The following FRMPD3 variants were observed in gnomAD, a reference collection of about 807,000 sequenced individuals.
The protein encoded by FRMPD3 is FERM and PDZ domain containing 3, also known as FERM and PDZ domain-containing protein 3.
A neutral mutation model predicts 97.9 loss-of-function variants in FRMPD3; 42 were observed. The ratio of observed to expected loss-of-function variants is 0.43; its 90% CI spans 0.34 to 0.55. The LOEUF is 0.55. Ranked by LOEUF, FRMPD3 falls within the 20% of genes least tolerant of loss-of-function variation. The probability of loss-of-function intolerance (pLI) is 0.03; values close to 1 mark genes in which losing one functional copy is unlikely to be tolerated. For missense variants in FRMPD3, 1,303 were observed against 1,457.7 expected, an observed-to-expected ratio of 0.89 and a Z score of 1.73; for synonymous variants, 577 against 581.1, an observed-to-expected ratio of 0.99 and a Z score of 0.10.
At chrX:107,467,385 C>G (rs1931591179) in intron 1 of FRMPD3, among the ~76,000 whole-genome samples, 1 of 111,376 alleles carries the variant, frequency 9.0e-6, no homozygotes, top group Non-Finnish European at 1.9e-5. Flanking sequence ...TGACCACGTT[C>G]ACAGTCCATA....
intron 4 of FRMPD3, among the ~76,000 whole-genome samples, chrX:107,536,230 C>A (rs891890865): frequency 9.0e-6 from 1 of 110,527 alleles, no homozygotes; most frequent in African/African-American, 3.3e-5. Context: ...GTAGGGCACA[C>A]CTGTAGTCCC....
intron 3 of FRMPD3, among the ~76,000 whole-genome samples, chrX:107,530,821 G>A (rs1242648030): frequency 2.7e-5 from 3 of 109,774 alleles, no homozygotes; most frequent in African/African-American, 3.3e-5. Context: ...TTTTTCCAGC[G>A]GGACAGACCA....
chrX:107,511,210 C>T (rs1467339734), intron 1 of FRMPD3, among the ~76,000 whole-genome samples: 1 of 111,859 alleles, frequency 8.9e-6, no homozygotes, highest in African/African-American at 3.2e-5. Flanking sequence ...GTCAGCTATG[C>T]TTCTTGCTTC....
chrX:107,603,036 T>G lies in FRMPD3; in HGVS notation c.4997T>G (p.Leu1666Arg). ...GCCATCACGGGCAGCTTCCAGGTGC[T>G]GAGCAGCCTCATTGAGACCTTCGTG... ...LAAITGSFQV[L>R]SSLIETFVRL... The change falls in exon 15 of 15, where the codon CTG (leucine) becomes CGG (arginine). Residue 1666 changes from leucine to arginine, a missense_variant. This residue lies in a region of FRMPD3 where 764 missense variants were observed against 820.2 expected (regional missense o/e 0.93). Coordinates refer to ENST00000683843, the MANE Select transcript of FRMPD3 (RefSeq NM_001388459.1). 1 of 1,211,286 alleles carries G rather than the reference T, an allele frequency of 8.3e-7. No homozygotes were observed. Among genetic ancestry groups the G allele is most frequent in the Non-Finnish European group, 1.1e-6 (1 of 895,524 alleles).
At chrX:107,455,773 T>C (rs891237934) in intron 1 of FRMPD3, among the ~76,000 whole-genome samples, 1 of 111,760 alleles carries the variant, frequency 8.9e-6, no homozygotes, top group Non-Finnish European at 1.9e-5. Context: ...GAGCACCAAT[T>C]ATGTACAAGG....
chrX:107,570,545 A>C (rs774768540), intron 12 of FRMPD3, among the ~76,000 whole-genome samples: 2 of 111,329 alleles, frequency 1.8e-5, no homozygotes, highest in African/African-American at 6.6e-5. Context: ...AGGGGTATAC[A>C]GGTCTTTACC....
At chrX:107,546,748 C>CT (rs1270708215) in intron 5 of FRMPD3, among the ~76,000 whole-genome samples, 5 of 112,260 alleles carry the variant, frequency 4.5e-5, no homozygotes, top group Non-Finnish European at 7.5e-5. Context: ...CACTTGTGTG[C>CT]TTTTGATAGC....
chrX:107,568,566 C>T (rs1415182024), intron 12 of FRMPD3, among the ~76,000 whole-genome samples: 1 of 52,833 alleles, frequency 1.9e-5, no homozygotes, highest in Non-Finnish European at 3.8e-5. Flanking sequence ...ACTAAAAATG[C>T]AAAAAAAAAA....
intron 8 of FRMPD3, among the ~76,000 whole-genome samples, chrX:107,559,819 C>A (rs952679169): frequency 2.7e-5 from 3 of 111,136 alleles, no homozygotes; most frequent in African/African-American, 9.8e-5. Flanking sequence ...GCTTCTGGGC[C>A]AGGGCCCTGT....
chrX:107,489,608 T>C (rs1921602475), intron 1 of FRMPD3, among the ~76,000 whole-genome samples: 2 of 112,631 alleles, frequency 1.8e-5, no homozygotes, highest in East Asian at 2.8e-4. Context: ...ATTTTTTTCA[T>C]GTGTTTTTTG....
At chrX:107,573,605 GA>G (rs1305727744) in intron 12 of FRMPD3, among the ~76,000 whole-genome samples, 1 of 110,877 alleles carries the variant, frequency 9.0e-6, no homozygotes, top group South Asian at 3.8e-4. Context: ...TTTCTCACTG[GA>G]AAAAAAAGCC....
In FRMPD3 at chrX:107,576,408, G is replaced by C; in HGVS notation, c.1390G>C (p.Val464Leu). 1 of 1,210,682 alleles carries C rather than the reference G, an allele frequency of 8.3e-7. No individual in the cohort carries two copies. Among genetic ancestry groups the C allele is most frequent in the East Asian group, 3.0e-5 (1 of 33,847 alleles). The change falls in exon 13 of 15, where the codon GTC becomes CTC. Residue 464 changes from valine to leucine, a missense_variant. This residue lies in a region of FRMPD3 where 535 missense variants were observed against 618.6 expected (regional missense o/e 0.86). Transcript: ENST00000683843. ...CCTCTTGCTGGATTCCAGGAAGATG[G>C]TCTTCTCCAGGCCTGCCAGCCAGCC... ...CRLLLDSRKM[V>L]FSRPASQPLP...
intron 5 of FRMPD3, among the ~76,000 whole-genome samples, chrX:107,546,889 G>C (rs920124279): frequency 9.0e-6 from 1 of 111,528 alleles, no homozygotes; most frequent in Admixed American, 9.5e-5. Context: ...ATTATTTAAG[G>C]CAGAATTAGT....
intron 13 of FRMPD3, among the ~76,000 whole-genome samples, chrX:107,589,311 G>T (rs1282883318): frequency 9.0e-6 from 1 of 111,164 alleles, no homozygotes; most frequent in African/African-American, 3.3e-5. Flanking sequence ...TGCTGTTGTT[G>T]CTTTCTGTTT....
chrX:107,580,151 A>C (rs1173852711), intron 13 of FRMPD3, among the ~76,000 whole-genome samples: 1 of 112,172 alleles, frequency 8.9e-6, no homozygotes, highest in Non-Finnish European at 1.9e-5. Flanking sequence ...ATATTTTCAA[A>C]CATAACTCCA....
intron 1 of FRMPD3, among the ~76,000 whole-genome samples, chrX:107,506,868 T>C (rs1338096141): frequency 1.8e-5 from 2 of 112,015 alleles, no homozygotes; most frequent in African/African-American, 6.5e-5. Flanking sequence ...GGCAGGTTTC[T>C]AAGGTGTCTT....
At chrX:107,490,625 T>G (rs1199552402) in intron 1 of FRMPD3, among the ~76,000 whole-genome samples, 1 of 111,936 alleles carries the variant, frequency 8.9e-6, no homozygotes, top group Non-Finnish European at 1.9e-5. Context: ...CACTCATGAT[T>G]TGGCTCTCTG....
At chrX:107,557,175 G>T (rs746561005) in intron 8 of FRMPD3, among the ~76,000 whole-genome samples, 1 of 111,093 alleles carries the variant, frequency 9.0e-6, no homozygotes, top group South Asian at 3.8e-4. Flanking sequence ...CTGATAGTGC[G>T]TAGTGGCATC....
intron 1 of FRMPD3, among the ~76,000 whole-genome samples, chrX:107,464,789 C>G (rs1931530777): frequency 8.9e-6 from 1 of 111,786 alleles, no homozygotes; most frequent in Non-Finnish European, 1.9e-5. Context: ...TGGTGTCCAC[C>G]CTGCTCAGTT....
Sources: gnomAD v4.1 joint callset for allele counts (sites outside exome capture counted in the v4.1 genomes callset) on GRCh38, gnomAD v4.1.1 for gene constraint, gnomAD v4.1.1 regional missense constraint, MANE v1.5 for transcripts, NCBI Gene and HGNC (gene_info 2026-07-23, HGNC 2026-07-21) for gene names.